Variants in GPC5 observed in about 807,000 individuals in gnomAD.
The protein encoded by GPC5 is glypican 5.
In GPC5, 47 loss-of-function variants were observed where a neutral mutation model predicts 53.9. The observed-to-expected ratio is 0.87, with a 90% CI of 0.69 to 1.11. The LOEUF is 1.11. Among genes scored for constraint, GPC5 ranks in the 50% most tolerant of loss-of-function variants. The probability of loss-of-function intolerance (pLI) is 0.00; values close to 1 mark genes in which losing one functional copy is unlikely to be tolerated. For missense variants in GPC5, 748 were observed against 713.1 expected (o/e 1.05, Z -0.56); for synonymous variants, 286 against 263.3 (o/e 1.09, Z -0.84).
intron 5 of GPC5, among the ~76,000 whole-genome samples, chr13:91,822,508 A>G (rs1330966209): frequency 6.6e-6 from 1 of 152,216 alleles, no homozygotes; most frequent in Admixed American, 6.5e-5. Flanking sequence ...AGATAATATT[A>G]ACATTCTTTG....
chr13:91,989,586 C>T (rs2040438712), intron 6 of GPC5, among the ~76,000 whole-genome samples: 1 of 151,918 alleles, frequency 6.6e-6, no homozygotes, highest in African/African-American at 2.4e-5. Flanking sequence ...AAATCTAGTG[C>T]CTTTGAGTAC....
At chr13:91,564,372 C>T (rs537006705) in intron 2 of GPC5, among the ~76,000 whole-genome samples, 2 of 152,276 alleles carry the variant, frequency 1.3e-5, no homozygotes, top group South Asian at 4.1e-4. Flanking sequence ...GCCCTTGGGA[C>T]AACTTGGCAA....
chr13:91,592,380 C>T (rs1371146150), intron 2 of GPC5, among the ~76,000 whole-genome samples: 1 of 152,126 alleles, frequency 6.6e-6, no homozygotes, highest in African/African-American at 2.4e-5. Flanking sequence ...TGCTCCCGAG[C>T]CTTGTCAGAG....
intron 5 of GPC5, among the ~76,000 whole-genome samples, chr13:91,843,660 T>C (rs2038815429): frequency 6.6e-6 from 1 of 152,074 alleles, no homozygotes; most frequent in African/African-American, 2.4e-5. Flanking sequence ...CCAGAAGACA[T>C]CTTTTGGAAA....
At chr13:91,565,029 A>AC (rs1255701307) in intron 2 of GPC5, among the ~76,000 whole-genome samples, 1 of 150,858 alleles carries the variant, frequency 6.6e-6, no homozygotes, top group African/African-American at 2.4e-5. Flanking sequence ...TCGCTCTGTC[A>AC]CCCAGGCTGG....
intron 7 of GPC5, among the ~76,000 whole-genome samples, chr13:92,674,579 G>C (rs1420640615): frequency 6.8e-6 from 1 of 147,864 alleles, no homozygotes; most frequent in Non-Finnish European, 1.5e-5. Flanking sequence ...TGAAGCAGGA[G>C]CTTCATGAAG....
At chr13:91,694,293 G>A (rs1465445388) in intron 3 of GPC5, among the ~76,000 whole-genome samples, 4 of 152,106 alleles carry the variant, frequency 2.6e-5, no homozygotes, top group Non-Finnish European at 4.4e-5. Context: ...ACTTAGTATG[G>A]TACCTGGTAC....
intron 7 of GPC5, among the ~76,000 whole-genome samples, chr13:92,849,086 T>C (rs1382100784): frequency 6.7e-6 from 1 of 148,356 alleles, no homozygotes; most frequent in Non-Finnish European, 1.5e-5. Flanking sequence ...AATAATATCC[T>C]TAATTATGTT....
At chr13:91,905,420 G>A (rs1175148650) in intron 5 of GPC5, among the ~76,000 whole-genome samples, 2 of 151,782 alleles carry the variant, frequency 1.3e-5, no homozygotes, top group Non-Finnish European at 2.9e-5. Context: ...AATGAATACT[G>A]GAATACTTAA....
At chr13:92,315,561 G>A (rs1351006156) in intron 7 of GPC5, among the ~76,000 whole-genome samples, 1 of 152,164 alleles carries the variant, frequency 6.6e-6, no homozygotes, top group African/African-American at 2.4e-5. Flanking sequence ...AAGTGTCTTG[G>A]TCATGGGTCT....
chr13:91,657,787 C>A (rs72643223), intron 2 of GPC5, among the ~76,000 whole-genome samples: 18,060 of 152,068 alleles, frequency 0.12, 1,275 homozygotes, highest in East Asian at 0.28. Context: ...GTGGCAGCCA[C>A]ACATCAAAGA....
chr13:92,851,674 G>A (rs1364859526), intron 7 of GPC5, among the ~76,000 whole-genome samples: 1 of 151,014 alleles, frequency 6.6e-6, no homozygotes, highest in Non-Finnish European at 1.5e-5. Flanking sequence ...AAGATCAGGA[G>A]ATTGAGACCA....
chr13:91,679,476 A>G lies in GPC5; in HGVS notation c.326-13711A>G, dbSNP rs920260682. On this transcript the variant is annotated intron_variant, in intron 2 of 7. Transcript: ENST00000377067. The stretch of plus-strand genomic sequence containing the variant: ...CCAGTAAGAAATATTTGCTTCAGCA[A>G]CAATTCTCAAAGTGGTCTGGGGTTC... 7.2e-5 allele frequency among the ~76,000 whole-genome samples: 11 copies of G among 152,308 alleles called. No individual in the cohort carries two copies. In the East Asian group the frequency reaches 1.9e-3, roughly 27 times the overall value.
intron 7 of GPC5, among the ~76,000 whole-genome samples, chr13:92,665,825 T>G (rs933722168): frequency 1.1e-4 from 16 of 152,324 alleles, no homozygotes; most frequent in African/African-American, 3.8e-4. Flanking sequence ...TTTTGTATTC[T>G]GACCCTGAAT....
chr13:92,025,145 C>G (rs1174752220), intron 6 of GPC5, among the ~76,000 whole-genome samples: 1 of 152,050 alleles, frequency 6.6e-6, no homozygotes, highest in African/African-American at 2.4e-5. Flanking sequence ...CCCTTTTGGC[C>G]AGAATATGCC....
chr13:91,986,344 C>A (rs975470633), intron 6 of GPC5, among the ~76,000 whole-genome samples: 1 of 152,066 alleles, frequency 6.6e-6, no homozygotes, highest in African/African-American at 2.4e-5. Context: ...GGATTACAGG[C>A]GTCAGCCACC....
intron 7 of GPC5, among the ~76,000 whole-genome samples, chr13:92,248,119 A>G (rs2042666200): frequency 6.6e-6 from 1 of 151,956 alleles, no homozygotes; most frequent in Admixed American, 6.6e-5. Context: ...AGGGTGTGAT[A>G]TGGACATGAG....
At chr13:91,495,089 A>G (rs1884174325) in intron 2 of GPC5, among the ~76,000 whole-genome samples, 1 of 152,190 alleles carries the variant, frequency 6.6e-6, no homozygotes, top group South Asian at 2.1e-4. Flanking sequence ...TTCACTGAAA[A>G]TCTTGCCCAT....
At chr13:91,905,252 A>G (rs189625523) in intron 5 of GPC5, among the ~76,000 whole-genome samples, 6 of 152,130 alleles carry the variant, frequency 3.9e-5, no homozygotes, top group African/African-American at 1.4e-4. Flanking sequence ...ATAACACAGC[A>G]GTGCTACAGA....
Sources: allele counts gnomAD v4.1 joint callset (sites outside exome capture counted in the v4.1 genomes callset), GRCh38; gene constraint gnomAD v4.1.1; transcripts MANE v1.5; gene names NCBI Gene and HGNC (gene_info 2026-07-23, HGNC 2026-07-21).